Variants in TANC1 observed in about 807,000 individuals in gnomAD.
The protein encoded by TANC1 is tetratricopeptide repeat, ankyrin repeat and coiled-coil containing 1.
A neutral mutation model predicts 149.7 loss-of-function variants in TANC1; 77 were observed. The ratio of observed to expected loss-of-function variants is 0.51; its 90% CI spans 0.43 to 0.62. The LOEUF is 0.62. Among genes scored for constraint, TANC1 ranks in the 20% least tolerant of loss-of-function variants. The pLI is 0.00. For missense variants in TANC1, 1,985 were observed against 2,321.8 expected (o/e 0.85, Z 2.98); for synonymous variants, 854 against 925.0 (o/e 0.92, Z 1.39).
At chr2:158,988,220 G>A (rs1347806507) in intron 1 of TANC1, among the ~76,000 whole-genome samples, 2 of 151,520 alleles carry the variant, frequency 1.3e-5, no homozygotes, top group Non-Finnish European at 2.9e-5. Context: ...AGCTACTCAG[G>A]AGGCTGAGGC....
chr2:159,032,351 A>G (rs1322909509), intron 2 of TANC1, among the ~76,000 whole-genome samples: 2 of 152,162 alleles, frequency 1.3e-5, no homozygotes, highest in Admixed American at 6.5e-5. Flanking sequence ...TACAGTCCCC[A>G]TTCCTATTTT....
chr2:159,120,728 T>C (rs907381662), intron 4 of TANC1, among the ~76,000 whole-genome samples: 1 of 152,172 alleles, frequency 6.6e-6, no homozygotes, highest in Non-Finnish European at 1.5e-5. Flanking sequence ...CACCTCAGCC[T>C]CCCAAGTAGC....
At position 159,169,316 on chromosome 2, in the gene TANC1, C is replaced by T. The variant is rs371346675; in HGVS notation, c.1013C>T (p.Thr338Met). Reference protein sequence around the residue: ...LDGQRNAPLRTSIRLPWHNTA... With the variant: ...LDGQRNAPLRMSIRLPWHNTA... ...GGGCAGAGAAATGCTCCTCTACGGA[C>T]GTCAATTAGATTACCATGGCACAAT... Residue 338 changes from threonine to methionine, a missense_variant, in exon 9 of 27, where the codon ACG becomes ATG. Around this residue, in one of 3 missense-constraint regions of TANC1, gnomAD observed 557 missense variants for 612.9 expected, o/e 0.91. Coordinates refer to ENST00000263635, the MANE Select transcript of TANC1 (RefSeq NM_033394.3). 1.5e-5 allele frequency: 24 copies of T among 1,613,394 alleles called. No homozygotes were observed. Among genetic ancestry groups the T allele is most frequent in the Middle Eastern group, 1.6e-4 (1 of 6,084 alleles).
rs561392502 is a variant in TANC1, at chr2:159,023,284, G to A, written c.-16+22095G>A. Among the ~76,000 whole-genome samples, 4 of 152,122 alleles carry A rather than the reference G, an allele frequency of 2.6e-5. No homozygotes were observed. The South Asian group carries it at 8.3e-4, about 32-fold the overall frequency. On this transcript the variant is annotated intron_variant, in intron 2 of 26. Coordinates refer to ENST00000263635, the MANE Select transcript of TANC1 (RefSeq NM_033394.3). ...AGAGAGAGATCTGTGTATGTAAAGT[G>A]GACAGAATCTGACAAATTTTTAGAG... is the stretch of plus-strand genomic sequence containing the variant.
At chr2:159,177,034 G>A (rs111835068) in intron 13 of TANC1, among the ~76,000 whole-genome samples, 18 of 149,778 alleles carry the variant, frequency 1.2e-4, no homozygotes, top group African/African-American at 3.9e-4. Context: ...CTTGGCCTCC[G>A]GAGTAGCTGG....
At chr2:159,032,089 G>T (rs371978784) in intron 2 of TANC1, among the ~76,000 whole-genome samples, 17 of 152,312 alleles carry the variant, frequency 1.1e-4, no homozygotes, top group African/African-American at 3.8e-4. Context: ...GATTCAGAAG[G>T]CTTCATTGGT....
intron 2 of TANC1, among the ~76,000 whole-genome samples, chr2:159,050,805 T>C (rs1448034631): frequency 1.3e-5 from 2 of 152,206 alleles, no homozygotes; most frequent in Non-Finnish European, 2.9e-5. Context: ...TTTGTATTGA[T>C]TTATGATATG....
At chr2:159,140,581 G>T (rs2051248440) in intron 5 of TANC1, among the ~76,000 whole-genome samples, 1 of 152,120 alleles carries the variant, frequency 6.6e-6, no homozygotes, top group African/African-American at 2.4e-5. Flanking sequence ...TTAGAGTCTG[G>T]CAGGGGATTA....
At chr2:158,971,520 T>C (rs1308603829) in intron 1 of TANC1, among the ~76,000 whole-genome samples, 1 of 152,198 alleles carries the variant, frequency 6.6e-6, no homozygotes, top group East Asian at 1.9e-4. Context: ...AATAGTTTGG[T>C]TTTCAACTGT....
At chr2:159,177,866 C>T (rs558566482) in intron 13 of TANC1, among the ~76,000 whole-genome samples, 2 of 152,256 alleles carry the variant, frequency 1.3e-5, no homozygotes, top group South Asian at 4.2e-4. Context: ...TGTTTTGTTT[C>T]TGGGTGCTGG....
At chr2:159,129,949 G>A (rs1336622432) in intron 4 of TANC1, among the ~76,000 whole-genome samples, 1 of 152,104 alleles carries the variant, frequency 6.6e-6, no homozygotes, top group Non-Finnish European at 1.5e-5. Flanking sequence ...TGTCATCTGT[G>A]GTCCCAGCCC....
At chr2:159,161,781 G>A (rs191112380) in intron 7 of TANC1, among the ~76,000 whole-genome samples, 58 of 152,366 alleles carry the variant, frequency 3.8e-4, no homozygotes, top group African/African-American at 1.3e-3. Flanking sequence ...CAAATGCTGG[G>A]AATCATAACG....
rs149467742 is a variant in TANC1, at chr2:159,168,721, A to G, written c.947-529A>G. ...AAATGCGGTATGATATAGAATGTGT[A>G]TATAAGTCTACACATATATTTGAAG... On this transcript the variant is annotated intron_variant, in intron 8 of 26. Transcript: ENST00000263635. Among the ~76,000 whole-genome samples the G allele has an allele frequency of 1.6e-3, 242 of 152,352 alleles. 1 individual carries two copies. Among genetic ancestry groups the G allele is most frequent in the African/African-American group, 5.6e-3 (233 of 41,576 alleles).
chr2:159,231,190 CCATA>C lies in TANC1; in HGVS notation c.*179_*182del. 1.8e-6 allele frequency: 1 copy of C among 552,248 alleles called. No individual in the cohort carries two copies. Among genetic ancestry groups the C allele is most frequent in the African/African-American group, 1.9e-5 (1 of 53,186 alleles). The allele number at this position is 552,248 out of a possible 1,614,324, so 34.2% of individuals were successfully genotyped here. On this transcript the variant is annotated 3_prime_UTR_variant, in exon 27 of 27. Coordinates refer to ENST00000263635, the MANE Select transcript of TANC1 (RefSeq NM_033394.3). ...AAACTTCTTTAATAGCTAGAAATCA[CCATA>C]AATAAGAATGCTAAACAGAATTGAA...
At chr2:159,134,364 G>A (rs2150185597) in intron 4 of TANC1, among the ~76,000 whole-genome samples, 1 of 152,308 alleles carries the variant, frequency 6.6e-6, no homozygotes, top group Non-Finnish European at 1.5e-5. Flanking sequence ...GAATGCAGTG[G>A]TGTGATCTTG....
chr2:159,145,569 T>A (rs534632678), intron 5 of TANC1, among the ~76,000 whole-genome samples: 1 of 152,270 alleles, frequency 6.6e-6, no homozygotes, highest in South Asian at 2.1e-4. Flanking sequence ...AGAAGATGGT[T>A]GTAGAGGGCA....
chr2:159,228,210 G>A, intron 25 of TANC1: 1 of 485,610 alleles, frequency 2.1e-6, no homozygotes, highest in South Asian at 2.7e-5. Context: ...TCAGTAATGA[G>A]AAGCAAATGC....
intron 25 of TANC1, 160 bp from the exon 26 acceptor site, chr2:159,228,636 T>C (rs1575388463): frequency 1.6e-6 from 1 of 639,682 alleles, no homozygotes; most frequent in Non-Finnish European, 2.8e-6. Flanking sequence ...CAACCATCAT[T>C]ATCTCCTCAC....
At chr2:159,111,921 G>A (rs1365030867) in intron 4 of TANC1, among the ~76,000 whole-genome samples, 2 of 152,302 alleles carry the variant, frequency 1.3e-5, no homozygotes, top group East Asian at 3.9e-4. Context: ...TATGCCCATT[G>A]TACGCCTTGT....
Sources: gnomAD v4.1 joint callset for allele counts (sites outside exome capture counted in the v4.1 genomes callset) on GRCh38, gnomAD v4.1.1 for gene constraint, gnomAD v4.1.1 regional missense constraint, MANE v1.5 for transcripts, NCBI Gene and HGNC (gene_info 2026-07-23, HGNC 2026-07-21) for gene names.